Variants in UGT1A5 observed in about 807,000 individuals in gnomAD.
The protein encoded by UGT1A5 is UDP glucuronosyltransferase family 1 member A5.
A neutral mutation model predicts 40.3 loss-of-function variants in UGT1A5; 29 were observed. The observed-to-expected ratio is 0.72, with a 90% CI of 0.54 to 0.98. The LOEUF (loss-of-function observed/expected upper bound fraction) is 0.98, where lower values mean the gene tolerates loss of function less well. Ranked by LOEUF, UGT1A5 falls within the 50% of genes least tolerant of loss-of-function variation. The probability of loss-of-function intolerance (pLI) is 0.00; values close to 1 mark genes in which losing one functional copy is unlikely to be tolerated. For synonymous variants in UGT1A5, 257 were observed against 262.5 expected (o/e 0.98, Z 0.20); for missense variants, 678 against 677.9 (o/e 1.00, Z 0.00).
At chr2:233,726,413 T>C (rs2125719382) in intron 1 of UGT1A5, among the ~76,000 whole-genome samples, 1 of 152,348 alleles carries the variant, frequency 6.6e-6, no homozygotes, top group African/African-American at 2.4e-5. Context: ...GTCAGCATTC[T>C]GATTCTGTCC....
Position 233,769,646 on chromosome 2 carries a change from C to T in UGT1A5, c.1307+1207C>T, listed in dbSNP as rs1053692486. 2 of 1,608,424 alleles carry T rather than the reference C, an allele frequency of 1.2e-6. No individual in the cohort carries two copies. Among genetic ancestry groups the T allele is most frequent in the Non-Finnish European group, 1.7e-6 (2 of 1,177,716 alleles). On this transcript the variant is annotated intron_variant, in intron 4 of 4. Transcript: ENST00000373414. The surrounding 1 kb of genome is among the most constrained non-coding windows in gnomAD (Gnocchi z 4.4). ...AGGGACAACAGGGGAGGACTGATGA[C>T]TGACTTCCCACCTTTGAGGTGCTAA...
chr2:233,770,355 G>C (rs1271934216), intron 4 of UGT1A5: 2 of 152,122 alleles, frequency 1.3e-5, no homozygotes, highest in African/African-American at 4.8e-5. Flanking sequence ...ACTATTGAAT[G>C]AATGAATGAA....
At chr2:233,731,607 C>T (rs1360371440) in intron 1 of UGT1A5, among the ~76,000 whole-genome samples, 1 of 152,190 alleles carries the variant, frequency 6.6e-6, no homozygotes, top group Non-Finnish European at 1.5e-5. Context: ...CTGCAAAGGA[C>T]ATGAACTCAT....
Position 233,713,803 on chromosome 2 carries a change from C to A in UGT1A5, c.812C>A (p.Pro271His). 7.4e-6 allele frequency: 12 copies of A among 1,614,054 alleles called. No individual in the cohort carries two copies. Among genetic ancestry groups the A allele is most frequent in the Non-Finnish European group, 8.5e-6 (10 of 1,179,976 alleles). Reference sequence around the variant, plus strand: ...ATGGATTACCCCAGGCCGATCATGCCCAACATGGTCTTCATTGGGGGCATC... The same window carrying A: ...ATGGATTACCCCAGGCCGATCATGCACAACATGGTCTTCATTGGGGGCATC... The part of the protein sequence containing the change: ...FVMDYPRPIM[P>H]NMVFIGGINC... The change falls in exon 1 of 5, where the codon CCC (proline) becomes CAC (histidine). Residue 271 changes from proline to histidine, a missense_variant. Physicochemically the swap from Pro to His is moderately conservative, Grantham distance 77 (BLOSUM62 -2). Coordinates refer to ENST00000373414, the MANE Select transcript of UGT1A5 (RefSeq NM_019078.2).
chr2:233,727,949 G>C (rs1469801849), intron 1 of UGT1A5, among the ~76,000 whole-genome samples: 1 of 152,198 alleles, frequency 6.6e-6, no homozygotes, highest in African/African-American at 2.4e-5. Flanking sequence ...CAGACAGCCT[G>C]CCCACATCAT....
At chr2:233,728,227 T>C (rs576517888) in intron 1 of UGT1A5, among the ~76,000 whole-genome samples, 6 of 152,272 alleles carry the variant, frequency 3.9e-5, no homozygotes, top group African/African-American at 1.4e-4. Flanking sequence ...ACCATAATCT[T>C]CAGGATGAAA....
intron 1 of UGT1A5, among the ~76,000 whole-genome samples, chr2:233,717,069 ACGTAAC>A (rs1446904870): frequency 6.6e-6 from 1 of 152,152 alleles, no homozygotes. Flanking sequence ...AGTGCCAGAC[ACGTAAC>A]CAGAAATCAG....
At chr2:233,754,114 G>C (rs1442882252) in intron 1 of UGT1A5, among the ~76,000 whole-genome samples, 2 of 152,128 alleles carry the variant, frequency 1.3e-5, no homozygotes, top group Non-Finnish European at 2.9e-5. Flanking sequence ...CCTACATCAC[G>C]AGCATTTATG....
At chr2:233,743,605 G>C in intron 1 of UGT1A5, 5 of 1,367,304 alleles carry the variant, frequency 3.7e-6, no homozygotes, top group Non-Finnish European at 4.9e-6. Flanking sequence ...CCTGGCCGCC[G>C]AAGAACTCCC....
At chr2:233,720,813 C>T (rs929586898) in intron 1 of UGT1A5, among the ~76,000 whole-genome samples, 31 of 151,162 alleles carry the variant, frequency 2.1e-4, no homozygotes, top group Non-Finnish European at 4.3e-4. Context: ...TTAAGAAATT[C>T]TCCCACCTCA....
intron 1 of UGT1A5, among the ~76,000 whole-genome samples, chr2:233,765,881 T>G (rs1234531270): frequency 6.6e-6 from 1 of 152,054 alleles, no homozygotes; most frequent in Non-Finnish European, 1.5e-5. Flanking sequence ...GGGCTCACTT[T>G]CTCAGTGCGC....
At chr2:233,722,141 C>T (rs542945200) in intron 1 of UGT1A5, 1 of 165,432 alleles carries the variant, frequency 6.0e-6, no homozygotes, top group South Asian at 1.7e-4. Context: ...TTTAAGACTC[C>T]TGCAGGACAA....
At chr2:233,756,038 T>C (rs1229247298) in intron 1 of UGT1A5, 1 of 152,242 alleles carries the variant, frequency 6.6e-6, no homozygotes, top group Non-Finnish European at 1.5e-5. Flanking sequence ...ATGTAGCTTC[T>C]GGAAAACTCC....
At chr2:233,732,047 A>C (rs1159846609) in intron 1 of UGT1A5, among the ~76,000 whole-genome samples, 1 of 152,222 alleles carries the variant, frequency 6.6e-6, no homozygotes, top group Admixed American at 6.5e-5. Flanking sequence ...GATGATGAGC[A>C]TTTATTCATG....
chr2:233,719,218 A>G, intron 1 of UGT1A5: 2 of 1,614,250 alleles, frequency 1.2e-6, no homozygotes, highest in Non-Finnish European at 1.7e-6. Context: ...GAGCTACTGC[A>G]TAATGAGGCC....
intron 1 of UGT1A5, among the ~76,000 whole-genome samples, chr2:233,739,362 G>T (rs1691069001): frequency 1.3e-5 from 2 of 152,136 alleles, no homozygotes; most frequent in South Asian, 2.1e-4. Context: ...AGATCCAATA[G>T]CTTGCACTGT....
rs1384702379 is a variant in UGT1A5, at chr2:233,760,914, G to A, written c.868-6120G>A. ...CAGATCACATGACCTTCCTGCAGCG[G>A]GTGAAGAACATGCTCATTGCCTTTT... On this transcript the variant is annotated intron_variant, in intron 1 of 4. Transcript: ENST00000373414. The A allele has an allele frequency of 2.5e-6, 4 of 1,614,148 alleles. No individual in the cohort carries two copies. In the African/African-American group the frequency reaches 4.0e-5, roughly 16 times the overall value.
chr2:233,771,547 G>A (rs1443760906), intron 4 of UGT1A5: 1 of 152,190 alleles, frequency 6.6e-6, no homozygotes, highest in Non-Finnish European at 1.5e-5. Context: ...ACTTACAAAT[G>A]GCTGTTAATT....
intron 1 of UGT1A5, chr2:233,718,661 A>C: frequency 6.5e-7 from 1 of 1,533,598 alleles, no homozygotes; most frequent in Non-Finnish European, 8.8e-7. Flanking sequence ...AAAGGCAGTT[A>C]TAGATTAATG....
Sources: allele counts gnomAD v4.1 joint callset (sites outside exome capture counted in the v4.1 genomes callset), GRCh38; gene constraint gnomAD v4.1.1; non-coding constraint Gnocchi (gnomAD v3.1); transcripts MANE v1.5; gene names NCBI Gene and HGNC (gene_info 2026-07-23, HGNC 2026-07-21).